The following CALCR variants were observed in gnomAD, a reference collection of about 807,000 sequenced individuals.
CALCR encodes the protein calcitonin receptor.
In CALCR, 47 loss-of-function variants were observed where a neutral mutation model predicts 59.5. That is an observed-to-expected ratio of 0.79 (90% CI 0.63 to 1.01). The LOEUF (loss-of-function observed/expected upper bound fraction) is 1.01, where lower values mean the gene tolerates loss of function less well. CALCR is among the 50% of genes least tolerant of loss of function. The pLI is 0.00. For synonymous variants in CALCR, 213 were observed against 211.3 expected, an observed-to-expected ratio of 1.01 and a Z score of -0.07; for missense variants, 566 against 597.1, an observed-to-expected ratio of 0.95 and a Z score of 0.54.
intron 4 of CALCR, among the ~76,000 whole-genome samples, chr7:93,479,125 C>T (rs377456255): frequency 6.6e-5 from 10 of 151,840 alleles, no homozygotes; most frequent in South Asian, 4.2e-4. Flanking sequence ...TGAATTATTG[C>T]GGTAATTTTA....
At chr7:93,564,206 A>G (rs1228640439) in intron 2 of CALCR, among the ~76,000 whole-genome samples, 2 of 152,002 alleles carry the variant, frequency 1.3e-5, no homozygotes, top group African/African-American at 4.8e-5. Context: ...ATTTCCGAGA[A>G]TCTACCAGAA....
intron 3 of CALCR, among the ~76,000 whole-genome samples, chr7:93,481,321 G>T (rs1441470064): frequency 3.3e-5 from 5 of 151,770 alleles, no homozygotes; most frequent in African/African-American, 1.2e-4. Context: ...ACAGGTTAAA[G>T]TTGCGGGGTG....
chr7:93,460,247 T>C (rs1397341890), intron 8 of CALCR, among the ~76,000 whole-genome samples: 1 of 151,906 alleles, frequency 6.6e-6, no homozygotes, highest in Non-Finnish European at 1.5e-5. Flanking sequence ...AATAAATTAC[T>C]GGTTAGTCTT....
At chr7:93,465,987 A>G (rs774127453) in intron 7 of CALCR, among the ~76,000 whole-genome samples, 1 of 151,762 alleles carries the variant, frequency 6.6e-6, no homozygotes, top group South Asian at 2.1e-4. Context: ...CCTTTTTATG[A>G]GACACATTTG....
At chr7:93,498,045 T>C (rs721315) in intron 2 of CALCR, among the ~76,000 whole-genome samples, 18,690 of 151,570 alleles carry the variant, frequency 0.12, 2,490 homozygotes, top group African/African-American at 0.32. Context: ...CTGGTCACGT[T>C]TTTGTCAGAA....
chr7:93,565,937 T>A (rs1789855572), intron 2 of CALCR, among the ~76,000 whole-genome samples: 1 of 152,222 alleles, frequency 6.6e-6, no homozygotes, highest in Non-Finnish European at 1.5e-5. Context: ...ATGAGTCAAG[T>A]CAATTTAAAA....
At chr7:93,440,579 T>C (rs1293063674) in intron 9 of CALCR, among the ~76,000 whole-genome samples, 2 of 151,554 alleles carry the variant, frequency 1.3e-5, no homozygotes, top group South Asian at 4.2e-4. Flanking sequence ...AGAAAGATAG[T>C]CTTAGCTTTG....
chr7:93,517,279 A>T (rs1801669093), intron 2 of CALCR, among the ~76,000 whole-genome samples: 2 of 151,744 alleles, frequency 1.3e-5, no homozygotes, highest in Non-Finnish European at 2.9e-5. Flanking sequence ...GATTACTATA[A>T]AAAAGTCAGA....
chr7:93,495,836 G>T, intron 2 of CALCR: 2 of 1,298,258 alleles, frequency 1.5e-6, no homozygotes, highest in South Asian at 1.3e-5. Context: ...AGAAACCATT[G>T]TAAGAGGTTC....
At chr7:93,480,171 G>A (rs1800762811) in intron 3 of CALCR, among the ~76,000 whole-genome samples, 1 of 151,840 alleles carries the variant, frequency 6.6e-6, no homozygotes. Context: ...GGTACAGATT[G>A]ACAATAGTTT....
At chr7:93,570,611 A>G (rs1789978794) in intron 2 of CALCR, among the ~76,000 whole-genome samples, 1 of 152,208 alleles carries the variant, frequency 6.6e-6, no homozygotes, top group Non-Finnish European at 1.5e-5. Flanking sequence ...TTTATATGCT[A>G]TTTTTAAAAA....
intron 5 of CALCR, among the ~76,000 whole-genome samples, chr7:93,474,727 T>C (rs1448241934): frequency 2.0e-5 from 3 of 151,816 alleles, no homozygotes; most frequent in Non-Finnish European, 4.4e-5. Flanking sequence ...TGGTATAATA[T>C]GCAGGGAGAT....
intron 2 of CALCR, among the ~76,000 whole-genome samples, chr7:93,504,573 T>C (rs1801387235): frequency 6.6e-6 from 1 of 152,212 alleles, no homozygotes; most frequent in African/African-American, 2.4e-5. Context: ...TAAATATGTC[T>C]ACCATGATCC....
At chr7:93,537,487 T>C (rs1789021299) in intron 2 of CALCR, among the ~76,000 whole-genome samples, 1 of 151,868 alleles carries the variant, frequency 6.6e-6, no homozygotes, top group Non-Finnish European at 1.5e-5. Context: ...ATTAGTTTAG[T>C]TCTATAGTAT....
intron 2 of CALCR, among the ~76,000 whole-genome samples, chr7:93,492,916 A>G (rs1406432535): frequency 6.6e-6 from 1 of 151,380 alleles, no homozygotes; most frequent in South Asian, 2.1e-4. Flanking sequence ...AGGAAAACTT[A>G]GGATAACTAA....
At chr7:93,437,910 C>G in intron 11 of CALCR, 150 bp downstream of exon 11, 1 of 747,260 alleles carries the variant, frequency 1.3e-6, no homozygotes, top group Middle Eastern at 3.8e-4. Context: ...TTTGAAGAGT[C>G]TAAAATCAAA....
At chr7:93,551,413 C>A (rs184758127) in intron 2 of CALCR, among the ~76,000 whole-genome samples, 1 of 152,100 alleles carries the variant, frequency 6.6e-6, no homozygotes, top group Non-Finnish European at 1.5e-5. Flanking sequence ...TATTTATTAC[C>A]GAGGACTTTT....
At chr7:93,477,977 A>AT (rs1234046173) in intron 4 of CALCR, among the ~76,000 whole-genome samples, 16 of 148,512 alleles carry the variant, frequency 1.1e-4, no homozygotes, top group African/African-American at 4.0e-4. Context: ...AAAAAAAAAA[A>AT]AAAAAAAAAA....
intron 5 of CALCR, among the ~76,000 whole-genome samples, chr7:93,472,723 A>T (rs979181345): frequency 6.6e-6 from 1 of 151,764 alleles, no homozygotes; most frequent in African/African-American, 2.4e-5. Context: ...TTCATTTTAC[A>T]AATTCAAAGC....
Sources: allele counts gnomAD v4.1 joint callset (sites outside exome capture counted in the v4.1 genomes callset), GRCh38; gene constraint gnomAD v4.1.1; transcripts MANE v1.5; gene names NCBI Gene and HGNC (gene_info 2026-07-23, HGNC 2026-07-21).